MACROD2: variants seen among roughly 807,000 people sequenced by gnomAD.
MACROD2 encodes mono-ADP ribosylhydrolase 2, also known as ADP-ribose glycohydrolase MACROD2.
Under a neutral mutation model 70.4 loss-of-function variants are expected in MACROD2, and 36 were observed. That is an observed-to-expected ratio of 0.51 (90% confidence interval 0.39 to 0.68). The LOEUF (loss-of-function observed/expected upper bound fraction) is 0.68, where lower values mean the gene tolerates loss of function less well. Ranked by LOEUF, MACROD2 falls within the 30% of genes least tolerant of loss-of-function variation. MACROD2 has a pLI of 0.00. For missense variants in MACROD2, 496 were observed against 538.4 expected (o/e 0.92, Z 0.78); for synonymous variants, 172 against 178.8 (o/e 0.96, Z 0.30).
intron 5 of MACROD2, among the ~76,000 whole-genome samples, chr20:15,153,465 G>C (rs970404894): frequency 6.6e-6 from 1 of 152,134 alleles, no homozygotes; most frequent in Non-Finnish European, 1.5e-5. Context: ...CAGGTCACAG[G>C]GGATATGATG....
chr20:15,852,098 G>A (rs574612103), intron 8 of MACROD2, among the ~76,000 whole-genome samples: 1 of 152,254 alleles, frequency 6.6e-6, no homozygotes, highest in South Asian at 2.1e-4. Context: ...GCACGTGTCT[G>A]TTCCACACTA....
chr20:15,698,182 T>C (rs1186081977), intron 8 of MACROD2, among the ~76,000 whole-genome samples: 1 of 152,218 alleles, frequency 6.6e-6, no homozygotes, highest in Non-Finnish European at 1.5e-5. Flanking sequence ...GTGTGATTTA[T>C]GCTTTAAAGA....
chr20:14,789,461 T>TTC (rs1555830597), intron 5 of MACROD2, among the ~76,000 whole-genome samples: 1,386 of 28,250 alleles, frequency 0.049, 152 homozygotes, highest in African/African-American at 0.14. Context: ...GTAGTGCAAA[T>TTC]TTTTTTTTTT....
At chr20:14,793,168 G>A (rs2072469840) in intron 5 of MACROD2, among the ~76,000 whole-genome samples, 1 of 151,962 alleles carries the variant, frequency 6.6e-6, no homozygotes, top group South Asian at 2.1e-4. Flanking sequence ...CTTCTACTCT[G>A]TCTTCCCTGT....
intron 8 of MACROD2, among the ~76,000 whole-genome samples, chr20:15,638,445 A>G (rs1471937205): frequency 6.6e-6 from 1 of 152,218 alleles, no homozygotes; most frequent in African/African-American, 2.4e-5. Flanking sequence ...AAAAGCTAGC[A>G]ATATTAACAG....
At chr20:16,003,768 T>C (rs575102420) in intron 15 of MACROD2, among the ~76,000 whole-genome samples, 15 of 152,170 alleles carry the variant, frequency 9.9e-5, no homozygotes, top group Non-Finnish European at 1.5e-4. Context: ...CCTCCCAGGT[T>C]CAAGCGATTC....
intron 6 of MACROD2, among the ~76,000 whole-genome samples, chr20:15,230,620 G>A (rs1011518001): frequency 2.0e-5 from 3 of 152,090 alleles, no homozygotes; most frequent in Non-Finnish European, 2.9e-5. Context: ...TATTCTGTAG[G>A]TGGTAGCTGG....
At chr20:15,155,225 A>G (rs2076298615) in intron 5 of MACROD2, among the ~76,000 whole-genome samples, 1 of 151,888 alleles carries the variant, frequency 6.6e-6, no homozygotes. Context: ...TTGTCAGATG[A>G]TTCTGATCTT....
In MACROD2 at chr20:14,251,387, T is replaced by C. The variant is rs142151130; in HGVS notation, c.271+165659T>C. Among the ~76,000 whole-genome samples, 5 of 152,280 alleles carry C rather than the reference T, an allele frequency of 3.3e-5. No individual in the cohort carries two copies. In the East Asian group the frequency reaches 9.6e-4, roughly 29 times the overall value. ...GTCATTAAAACATTTAATTATATTC[T>C]TACATTACAGTCTTTGTTTTATCTA... On this transcript the variant is annotated intron_variant, in intron 3 of 17. Transcript: ENST00000684519.
intron 6 of MACROD2, among the ~76,000 whole-genome samples, chr20:15,266,097 A>G (rs753960641): frequency 1.2e-4 from 19 of 152,206 alleles, no homozygotes; most frequent in Admixed American, 1.3e-4. Context: ...AAATATTTAC[A>G]TTGATTGCCC....
chr20:14,714,236 G>A (rs73899261), intron 5 of MACROD2, among the ~76,000 whole-genome samples: 4 of 152,134 alleles, frequency 2.6e-5, no homozygotes, highest in Admixed American at 1.3e-4. Context: ...GATAGAGGAC[G>A]AGTGTCTACA....
chr20:14,724,819 T>C (rs1269455094), intron 5 of MACROD2, among the ~76,000 whole-genome samples: 3 of 152,168 alleles, frequency 2.0e-5, no homozygotes, highest in African/African-American at 7.2e-5. Flanking sequence ...GGGGTTTTAT[T>C]TGAAGTATGT....
At chr20:15,551,951 CTT>C (rs2048105083) in intron 8 of MACROD2, among the ~76,000 whole-genome samples, 1 of 151,366 alleles carries the variant, frequency 6.6e-6, no homozygotes, top group Non-Finnish European at 1.5e-5. Flanking sequence ...TATATAAGCA[CTT>C]ATTACTTTCA....
chr20:14,602,551 G>A (rs1982565651), intron 4 of MACROD2, among the ~76,000 whole-genome samples: 1 of 152,118 alleles, frequency 6.6e-6, no homozygotes, highest in African/African-American at 2.4e-5. Flanking sequence ...ATGAAAGTTA[G>A]GTGAATTAAA....
chr20:14,449,537 A>G (rs1473013315), intron 3 of MACROD2, among the ~76,000 whole-genome samples: 1 of 152,146 alleles, frequency 6.6e-6, no homozygotes, highest in African/African-American at 2.4e-5. Flanking sequence ...AATACTGTAC[A>G]TAGTGGGATG....
intron 8 of MACROD2, among the ~76,000 whole-genome samples, chr20:15,675,036 G>A (rs2050037954): frequency 6.6e-6 from 1 of 152,074 alleles, no homozygotes; most frequent in Non-Finnish European, 1.5e-5. Flanking sequence ...TTAATGTTCT[G>A]CCCTGCTCTA....
At chr20:14,161,239 G>T (rs2055183473) in intron 3 of MACROD2, among the ~76,000 whole-genome samples, 2 of 147,946 alleles carry the variant, frequency 1.4e-5, no homozygotes, top group African/African-American at 5.0e-5. Context: ...CCAGACTGGA[G>T]TGCAGTGGCA....
At position 16,052,634 on chromosome 20, in the gene MACROD2, C is replaced by T. The variant is rs570294082; in HGVS notation, c.*2758C>T. 70 of 152,634 alleles carry T rather than the reference C, an allele frequency of 4.6e-4. No individual in the cohort carries two copies. The highest frequency in any genetic ancestry group is 1.6e-3 in the African/African-American group (68 of 41,534). 9.5% of individuals were successfully genotyped at this position (152,634 alleles called of 1,614,324 possible). A position where few individuals can be genotyped will look rare whatever the true frequency, so the allele number is the denominator to read the frequency against. On this transcript the variant is annotated 3_prime_UTR_variant, in exon 18 of 18. Coordinates refer to ENST00000684519, the MANE Select transcript of MACROD2 (RefSeq NM_001351661.2). ...CATAAAAGATTACAAAGAAGGCATC[C>T]GAATCACTGTCTGTGATACTGGGTC...
chr20:14,946,906 G>A (rs1002427379), intron 5 of MACROD2, among the ~76,000 whole-genome samples: 2 of 152,118 alleles, frequency 1.3e-5, no homozygotes, highest in African/African-American at 4.8e-5. Flanking sequence ...TGGACAATGT[G>A]TATTTTGCTA....
Sources: allele counts gnomAD v4.1 joint callset (sites outside exome capture counted in the v4.1 genomes callset), GRCh38; gene constraint gnomAD v4.1.1; transcripts MANE v1.5; gene names NCBI Gene and HGNC (gene_info 2026-07-23, HGNC 2026-07-21).